Variants in DRD2 observed in about 807,000 individuals in gnomAD.
DRD2 encodes the protein dopamine receptor D2.
Under a neutral mutation model 38.0 loss-of-function variants are expected in DRD2, and 8 were observed. The ratio of observed to expected loss-of-function variants is 0.21; its 90% CI spans 0.12 to 0.38. DRD2 has a LOEUF of 0.38. Ranked by LOEUF, DRD2 falls within the 10% of genes least tolerant of loss-of-function variation. DRD2 has a pLI of 1.00. For missense variants in DRD2, 403 were observed against 607.7 expected, an observed-to-expected ratio of 0.66 and a Z score of 3.54; for synonymous variants, 230 against 238.6, an observed-to-expected ratio of 0.96 and a Z score of 0.33.
At chr11:113,464,302 G>A (rs151122824) in intron 1 of DRD2, among the ~76,000 whole-genome samples, 6 of 152,170 alleles carry the variant, frequency 3.9e-5, no homozygotes, top group Admixed American at 2.0e-4. Flanking sequence ...CTTCCGCTGC[G>A]GCCCTTCCAG....
chr11:113,430,052 C>T (rs1327873477), intron 1 of DRD2, among the ~76,000 whole-genome samples: 2 of 152,220 alleles, frequency 1.3e-5, no homozygotes, highest in African/African-American at 4.8e-5. Context: ...AAATGCAGCT[C>T]ACTAGGGTCT....
intron 2 of DRD2, among the ~76,000 whole-genome samples, chr11:113,420,383 G>A (rs772554036): frequency 3.9e-4 from 60 of 152,188 alleles, no homozygotes; most frequent in Admixed American, 9.8e-4. Context: ...ATAACAAAGA[G>A]ATTTCCTCTG....
rs752405585 is a variant in DRD2 at position 113,424,542 on chromosome 11, T to C, written c.110A>G (p.Tyr37Cys). 8 of 1,614,110 alleles carry C rather than the reference T, an allele frequency of 5.0e-6. No homozygotes were observed. Among genetic ancestry groups the C allele is most frequent in the East Asian group, 4.5e-5 (2 of 44,898 alleles). Residue 37 changes from tyrosine (Y) to cysteine (C), a missense_variant, in exon 2 of 8, where the codon TAT (tyrosine) becomes TGT (cysteine). By Grantham distance (194) the Tyr-to-Cys change is radical (BLOSUM62 -2). Around this residue, in one of 4 missense-constraint regions of DRD2, gnomAD observed 162 missense variants for 254.5 expected, o/e 0.64. Coordinates refer to ENST00000362072, the MANE Select transcript of DRD2 (RefSeq NM_000795.4). ...GATGAGCAGGGTGAGCAGTGTGGCA[T>C]AGTAGTTGTAGTGGGGTCTGTCCGC... ...GKADRPHYNY[Y>C]ATLLTLLIAV... is the part of the protein sequence containing the mutation.
At chr11:113,440,255 C>T (rs1173930244) in intron 1 of DRD2, among the ~76,000 whole-genome samples, 5 of 152,162 alleles carry the variant, frequency 3.3e-5, no homozygotes, top group Non-Finnish European at 7.4e-5. Context: ...AGTTCTTTTC[C>T]AGGCCATAAA....
chr11:113,465,686 C>A (rs1951361924), intron 1 of DRD2, among the ~76,000 whole-genome samples: 3 of 152,308 alleles, frequency 2.0e-5, no homozygotes, highest in Middle Eastern at 3.4e-3. Flanking sequence ...AGGAAAAACC[C>A]TGGGCAGAAG....
chr11:113,446,777 G>A (rs1031542333), intron 1 of DRD2, among the ~76,000 whole-genome samples: 3 of 152,264 alleles, frequency 2.0e-5, no homozygotes, highest in African/African-American at 7.2e-5. Flanking sequence ...GAAACAGAGA[G>A]AAGTCCTGTG....
At chr11:113,414,257 G>T (rs773509534) in intron 6 of DRD2, 118 bp downstream of exon 6, 2 of 932,732 alleles carry the variant, frequency 2.1e-6, no homozygotes, top group South Asian at 1.3e-5. Flanking sequence ...CTGAGGCAAG[G>T]TGGGGGTTTC....
chr11:113,457,293 C>G (rs1032999383), intron 1 of DRD2, among the ~76,000 whole-genome samples: 3 of 152,158 alleles, frequency 2.0e-5, no homozygotes, highest in African/African-American at 7.2e-5. Context: ...TGTCACTTTA[C>G]TCAGTAAATA....
intron 6 of DRD2, chr11:113,413,978 G>C (rs997035024): frequency 3.0e-6 from 1 of 332,864 alleles, no homozygotes; most frequent in Non-Finnish European, 5.9e-6. Flanking sequence ...CTCTTGAGAC[G>C]GGTGAGTTGC....
At chr11:113,467,520 C>T (rs968856026) in intron 1 of DRD2, among the ~76,000 whole-genome samples, 3 of 152,202 alleles carry the variant, frequency 2.0e-5, no homozygotes, top group Non-Finnish European at 4.4e-5. Flanking sequence ...GGGGTCTGCT[C>T]ATGTGAAGTT....
At chr11:113,470,497 A>G (rs1951413996) in intron 1 of DRD2, among the ~76,000 whole-genome samples, 1 of 152,160 alleles carries the variant, frequency 6.6e-6, no homozygotes, top group Admixed American at 6.5e-5. Context: ...GCAAGCTGAC[A>G]TTACCCAGAG....
intron 1 of DRD2, among the ~76,000 whole-genome samples, chr11:113,433,946 A>C (rs1951013398): frequency 6.6e-6 from 1 of 152,202 alleles, no homozygotes; most frequent in African/African-American, 2.4e-5. Flanking sequence ...ACTTACAGGC[A>C]CAGGCAGCCA....
chr11:113,462,129 G>C (rs377696294), intron 1 of DRD2, among the ~76,000 whole-genome samples: 1 of 152,194 alleles, frequency 6.6e-6, no homozygotes, highest in East Asian at 1.9e-4. Context: ...TAACTCAGGA[G>C]ATGAGGCTTC....
intron 1 of DRD2, among the ~76,000 whole-genome samples, chr11:113,455,554 C>A (rs1951261153): frequency 6.6e-6 from 1 of 151,946 alleles, no homozygotes. Context: ...AGCTCATATA[C>A]AAAACATATA....
intron 2 of DRD2, among the ~76,000 whole-genome samples, chr11:113,420,947 G>A (rs1035751252): frequency 9.9e-5 from 15 of 152,144 alleles, no homozygotes; most frequent in African/African-American, 3.6e-4. Flanking sequence ...GCTGAGACCT[G>A]CAGTACAGGC....
At chr11:113,460,408 C>G (rs969991977) in intron 1 of DRD2, among the ~76,000 whole-genome samples, 2 of 152,372 alleles carry the variant, frequency 1.3e-5, no homozygotes, top group South Asian at 4.1e-4. Context: ...CTGCCTCAAG[C>G]TGGACTGGCT....
chr11:113,459,919 T>G (rs1029765387), intron 1 of DRD2, among the ~76,000 whole-genome samples: 46 of 152,212 alleles, frequency 3.0e-4, no homozygotes, highest in African/African-American at 1.1e-3. Flanking sequence ...AACTATTATG[T>G]GTGTACTGCT....
At chr11:113,456,316 G>A (rs1951268036) in intron 1 of DRD2, among the ~76,000 whole-genome samples, 2 of 152,154 alleles carry the variant, frequency 1.3e-5, no homozygotes, top group Admixed American at 1.3e-4. Flanking sequence ...TTTTAATTAG[G>A]CAACAGGAAT....
intron 1 of DRD2, among the ~76,000 whole-genome samples, chr11:113,457,687 C>T (rs1203011874): frequency 2.6e-5 from 4 of 152,234 alleles, no homozygotes; most frequent in Non-Finnish European, 5.9e-5. Context: ...TCTGCGAGAG[C>T]TGCCCCTGAG....
Sources: allele counts gnomAD v4.1 joint callset (sites outside exome capture counted in the v4.1 genomes callset), GRCh38; gene constraint gnomAD v4.1.1; regional missense constraint gnomAD v4.1.1; transcripts MANE v1.5; gene names NCBI Gene and HGNC (gene_info 2026-07-23, HGNC 2026-07-21).